Variants in STK24 observed in about 807,000 individuals in gnomAD.
STK24 encodes the protein serine/threonine kinase 24.
Under a neutral mutation model 55.6 loss-of-function variants are expected in STK24, and 21 were observed. That is an observed-to-expected ratio of 0.38 (90% CI 0.27 to 0.54). The LOEUF (loss-of-function observed/expected upper bound fraction) is 0.54, where lower values mean the gene tolerates loss of function less well. STK24 is among the 20% of genes least tolerant of loss of function. The pLI is 0.79. For synonymous variants in STK24, 200 were observed against 215.2 expected, an observed-to-expected ratio of 0.93 and a Z score of 0.62; for missense variants, 383 against 538.4, an observed-to-expected ratio of 0.71 and a Z score of 2.86.
chr13:98,448,350 T>C lies in STK24; in HGVS notation c.*4823A>G, dbSNP rs149306970. 5.2e-5 allele frequency: 78 copies of C among 1,509,434 alleles called. No homozygotes were observed. In the Middle Eastern group the frequency reaches 1.4e-3, roughly 27 times the overall value. 93.5% of individuals were successfully genotyped at this position (1,509,434 alleles called of 1,614,324 possible). A position where few individuals can be genotyped will look rare whatever the true frequency, so the allele number is the denominator to read the frequency against. On this transcript the variant is annotated 3_prime_UTR_variant, in exon 11 of 11. Coordinates refer to ENST00000539966, the MANE Select transcript of STK24 (RefSeq NM_001032296.4). ...ACACACTCGTTTCCGCAGTGGCTGC[T>C]TTCCTGGAAGACGTTTCCTTTCTTC...
chr13:98,457,285 G>A lies in STK24; in HGVS notation c.1142C>T (p.Ala381Val), dbSNP rs368487579. ...LFAELKEKSQACGGNLGSIEE... is the reference protein window; with the variant it reads ...LFAELKEKSQVCGGNLGSIEE... ...AATGGACCCCAAGTTCCCTCCGCAC[G>A]CCTGGCTCTTCTCCTTCAACTGAAA... Residue 381 changes from alanine to valine, a missense_variant, in exon 10 of 11, where the codon GCG becomes GTG. Coordinates refer to ENST00000539966, the MANE Select transcript of STK24 (RefSeq NM_001032296.4). The A allele has an allele frequency of 1.1e-5, 17 of 1,613,870 alleles. No homozygotes were observed. Among genetic ancestry groups the A allele is most frequent in the Admixed American group, 8.3e-5 (5 of 59,996 alleles).
intron 1 of STK24, among the ~76,000 whole-genome samples, chr13:98,544,658 G>A (rs1229161229): frequency 2.0e-5 from 3 of 152,210 alleles, no homozygotes; most frequent in Non-Finnish European, 4.4e-5. Context: ...AATCCACACC[G>A]AGGCATGCGG....
At chr13:98,471,319 C>G (rs1037930467) in intron 5 of STK24, among the ~76,000 whole-genome samples, 7 of 152,240 alleles carry the variant, frequency 4.6e-5, no homozygotes, top group Non-Finnish European at 1.5e-5. Context: ...TTCCACTTTT[C>G]ACCATGGTTA....
At chr13:98,466,216 T>C (rs529123677) in intron 6 of STK24, among the ~76,000 whole-genome samples, 160 bp downstream of exon 6, 1 of 152,286 alleles carries the variant, frequency 6.6e-6, no homozygotes, top group East Asian at 1.9e-4. Context: ...TAAAATGTAT[T>C]TGCAAACCAA....
Position 98,499,288 on chromosome 13 carries a change from C to T in STK24, c.274-16967G>A, listed in dbSNP as rs80106254. Among the ~76,000 whole-genome samples the T allele has an allele frequency of 2.0e-5, 3 of 151,988 alleles. No homozygotes were observed. In the South Asian group the frequency reaches 6.2e-4, roughly 32 times the overall value. On this transcript the variant is annotated intron_variant, in intron 2 of 10. Transcript: ENST00000539966. ...GGGCCTAATGTTCTCCACACATTCA[C>T]ACTTGCAAGGCATGAACACATTTCC...
chr13:98,473,702 T>G (rs9517319), intron 5 of STK24, among the ~76,000 whole-genome samples: 81,001 of 152,022 alleles, frequency 0.53, 21,852 homozygotes, highest in Non-Finnish European at 0.58. Flanking sequence ...CCAGAGGCTG[T>G]CAAGGCCATC....
chr13:98,500,833 T>C (rs1160552476), intron 2 of STK24, among the ~76,000 whole-genome samples: 1 of 151,914 alleles, frequency 6.6e-6, no homozygotes, highest in Non-Finnish European at 1.5e-5. Flanking sequence ...TAGTGGCAAA[T>C]TTCATGATTC....
At chr13:98,463,865 A>G (rs1236122024) in intron 6 of STK24, 29 bp from the exon 7 acceptor site, 3 of 1,608,328 alleles carry the variant, frequency 1.9e-6, no homozygotes, top group Non-Finnish European at 2.6e-6. Flanking sequence ...CAATTAAAGT[A>G]TGAGATGAAG....
At chr13:98,460,063 G>A (rs751644823) in intron 9 of STK24, among the ~76,000 whole-genome samples, 1 of 152,214 alleles carries the variant, frequency 6.6e-6, no homozygotes, top group South Asian at 2.1e-4. Flanking sequence ...ATTGGTCTGA[G>A]GCAAAGAGAG....
At chr13:98,545,611 G>A (rs1157221836) in intron 1 of STK24, among the ~76,000 whole-genome samples, 2 of 146,668 alleles carry the variant, frequency 1.4e-5, no homozygotes, top group African/African-American at 5.1e-5. Flanking sequence ...TCCAGCCTGG[G>A]TGACAGAGCA....
intron 2 of STK24, among the ~76,000 whole-genome samples, chr13:98,483,365 A>G (rs1894674664): frequency 6.6e-6 from 1 of 152,032 alleles, no homozygotes; most frequent in Admixed American, 6.5e-5. Context: ...CTGCTGACTC[A>G]GGACTCGGTG....
At chr13:98,455,013 G>T (rs142593405) in intron 10 of STK24, 1 of 152,224 alleles carries the variant, frequency 6.6e-6, no homozygotes. Flanking sequence ...CCCCAGCCAC[G>T]ATGCCCAGTG....
At chr13:98,474,339 C>T (rs1291092248) in intron 5 of STK24, among the ~76,000 whole-genome samples, 1 of 152,212 alleles carries the variant, frequency 6.6e-6, no homozygotes, top group Non-Finnish European at 1.5e-5. Flanking sequence ...TCACTCAAAG[C>T]ACTGTTCTTC....
At chr13:98,531,303 G>T (rs1346469073) in intron 1 of STK24, among the ~76,000 whole-genome samples, 1 of 152,198 alleles carries the variant, frequency 6.6e-6, no homozygotes, top group African/African-American at 2.4e-5. Flanking sequence ...GCAGGGATAT[G>T]TACAGAAAAG....
At chr13:98,533,498 A>T (rs1594647192) in intron 1 of STK24, among the ~76,000 whole-genome samples, 1 of 151,660 alleles carries the variant, frequency 6.6e-6, no homozygotes, top group African/African-American at 2.4e-5. Context: ...CTAAGTTAAA[A>T]ATATAGCAGG....
intron 5 of STK24, among the ~76,000 whole-genome samples, chr13:98,468,197 C>T (rs1287307286): frequency 4.6e-5 from 7 of 152,224 alleles, no homozygotes; most frequent in Non-Finnish European, 7.3e-5. Flanking sequence ...ATGATGCCTA[C>T]GGCATATTCT....
chr13:98,550,561 T>C (rs1897133714), intron 1 of STK24, among the ~76,000 whole-genome samples: 1 of 152,176 alleles, frequency 6.6e-6, no homozygotes, highest in Admixed American at 6.5e-5. Context: ...GAATGGCCTC[T>C]TTCTTGTAGT....
intron 1 of STK24, among the ~76,000 whole-genome samples, chr13:98,566,689 T>G (rs1401821077): frequency 6.6e-6 from 1 of 152,208 alleles, no homozygotes; most frequent in African/African-American, 2.4e-5. Context: ...AATCCAGCCA[T>G]GCCACAGGCT....
At chr13:98,486,840 A>C (rs1345862064) in intron 2 of STK24, among the ~76,000 whole-genome samples, 1 of 152,210 alleles carries the variant, frequency 6.6e-6, no homozygotes, top group Non-Finnish European at 1.5e-5. Flanking sequence ...AGCTCTTACC[A>C]GGAGACATCA....
Sources: gnomAD v4.1 joint callset for allele counts (sites outside exome capture counted in the v4.1 genomes callset) on GRCh38, gnomAD v4.1.1 for gene constraint, MANE v1.5 for transcripts, NCBI Gene and HGNC (gene_info 2026-07-23, HGNC 2026-07-21) for gene names.